Variants in PLEKHG1 observed in about 807,000 individuals in gnomAD.
PLEKHG1 encodes the protein pleckstrin homology and RhoGEF domain containing G1.
A neutral mutation model predicts 100.8 loss-of-function variants in PLEKHG1; 44 were observed. The ratio of observed to expected loss-of-function variants is 0.44; its 90% CI spans 0.34 to 0.56. The LOEUF is 0.56. PLEKHG1 is among the 20% of genes least tolerant of loss of function. The pLI is 0.01. For synonymous variants in PLEKHG1, 640 were observed against 662.5 expected (o/e 0.97, Z 0.52); for missense variants, 1,545 against 1,720.9 (o/e 0.90, Z 1.81).
rs560273593 is a variant in PLEKHG1, at chr6:150,795,967, G to A, written c.629+65G>A. On this transcript the variant is annotated intron_variant, in intron 5 of 15. Coordinates refer to ENST00000358517, the Ensembl canonical transcript of PLEKHG1. ...TTCACATTGTTTCAAGTCAGCTGGT[G>A]CAGTACACATGGTTGTTAGGCATTC... is the stretch of plus-strand genomic sequence containing the variant. The A allele has an allele frequency of 2.6e-4, 262 of 1,001,466 alleles. 3 individuals are homozygous for A. In the South Asian group the frequency reaches 3.3e-3, roughly 13 times the overall value. 62.0% of individuals were successfully genotyped at this position (1,001,466 alleles called of 1,614,324 possible).
chr6:150,705,272 G>A (rs1780957617), intron 3 of PLEKHG1, among the ~76,000 whole-genome samples: 1 of 152,222 alleles, frequency 6.6e-6, no homozygotes, highest in Non-Finnish European at 1.5e-5. Flanking sequence ...ATATTTCAAA[G>A]ATATGCCATC....
intron 1 of PLEKHG1, among the ~76,000 whole-genome samples, chr6:150,730,901 C>CAAA (rs59262689): frequency 0.19 from 25,981 of 137,914 alleles, 3,644 homozygotes; most frequent in African/African-American, 0.41. Context: ...AACTCTGTCT[C>CAAA]AAAAAAAAAA....
intron 3 of PLEKHG1, among the ~76,000 whole-genome samples, chr6:150,658,730 A>C (rs555044980): frequency 1.3e-5 from 2 of 152,288 alleles, no homozygotes; most frequent in Non-Finnish European, 2.9e-5. Flanking sequence ...AGTGTTTGAT[A>C]TCTCTCTCCT....
intron 3 of PLEKHG1, among the ~76,000 whole-genome samples, chr6:150,666,459 G>C (rs1470185809): frequency 6.6e-6 from 1 of 152,128 alleles, no homozygotes; most frequent in Non-Finnish European, 1.5e-5. Flanking sequence ...TCCGTTCATT[G>C]CTAACTTGCG....
At chr6:150,643,854 C>A (rs1259845063) in intron 2 of PLEKHG1, among the ~76,000 whole-genome samples, 1 of 151,744 alleles carries the variant, frequency 6.6e-6, no homozygotes, top group East Asian at 1.9e-4. Context: ...CTGTGGTTTC[C>A]ACTTTCAAAT....
intron 7 of PLEKHG1, among the ~76,000 whole-genome samples, chr6:150,807,597 A>G (rs1198912977): frequency 2.0e-5 from 3 of 152,212 alleles, no homozygotes; most frequent in African/African-American, 7.2e-5. Context: ...TAGTTTATTT[A>G]TCAATTTCCA....
intron 1 of PLEKHG1, among the ~76,000 whole-genome samples, chr6:150,601,866 A>G (rs762243051): frequency 6.6e-6 from 1 of 152,118 alleles, no homozygotes; most frequent in Non-Finnish European, 1.5e-5. Context: ...CCTACTCTAA[A>G]TGGGCACCCT....
chr6:150,786,836 C>T (rs1009092389), intron 4 of PLEKHG1, among the ~76,000 whole-genome samples: 3 of 151,862 alleles, frequency 2.0e-5, no homozygotes, highest in East Asian at 3.9e-4. Flanking sequence ...TTGAGACCAG[C>T]CTGGCCAACA....
upstream of PLEKHG1, among the ~76,000 whole-genome samples, chr6:150,718,128 T>C (rs577466296): frequency 2.0e-5 from 3 of 152,268 alleles, no homozygotes; most frequent in South Asian, 6.2e-4. Context: ...GCAAAAATAA[T>C]CTTTTCACCC....
At position 150,610,716 on chromosome 6, in the gene PLEKHG1, T is replaced by G. The variant is rs574654427; in HGVS notation, c.-204+10699T>G. Among the ~76,000 whole-genome samples the G allele has an allele frequency of 3.3e-5, 5 of 152,342 alleles. No individual in the cohort carries two copies. The South Asian group carries it at 1.0e-3, about 32-fold the overall frequency. On this transcript the variant is annotated intron_variant, in intron 1 of 3. Coordinates refer to the PLEKHG1 transcript ENST00000367326. ...TGGGTTAACTCTTTAAAAAGGTTTCTTTAGAAATTGTTTTTGTTTGAATGA... is the reference window on the plus strand; with the variant it reads ...TGGGTTAACTCTTTAAAAAGGTTTCGTTAGAAATTGTTTTTGTTTGAATGA...
chr6:150,733,794 G>C, exon 2 of PLEKHG1: 1 of 1,614,180 alleles, frequency 6.2e-7, no homozygotes, highest in Non-Finnish European at 8.5e-7. Flanking sequence ...GTTTCAAATA[G>C]CCACATGGGC....
At chr6:150,742,948 C>T (rs186477556) in intron 2 of PLEKHG1, among the ~76,000 whole-genome samples, 1 of 152,092 alleles carries the variant, frequency 6.6e-6, no homozygotes, top group Non-Finnish European at 1.5e-5. Flanking sequence ...GTCAACTAGA[C>T]GGGCAAGGAG....
rs1381335999 is a variant in PLEKHG1 at position 150,600,045 on chromosome 6, TG to T, written c.-204+32del. ...AAGCGCCGGTCGGGCCCGGACGCCC[TG>T]GGGACTTTTCCAGGGATGGGAGGGG... is the stretch of plus-strand genomic sequence containing the variant. On this transcript the variant is annotated intron_variant, in intron 1 of 3. Coordinates refer to the PLEKHG1 transcript ENST00000367326. This position sits in a 1 kb window ranked among gnomAD's most constrained non-coding sequence, Gnocchi z 6.2. 3 of 201,300 alleles carry T rather than the reference TG, an allele frequency of 1.5e-5. No homozygotes were observed. Among genetic ancestry groups the T allele is most frequent in the South Asian group, 5.0e-5 (1 of 20,032 alleles). 12.5% of individuals were successfully genotyped at this position (201,300 alleles called of 1,614,324 possible).
intron 3 of PLEKHG1, among the ~76,000 whole-genome samples, chr6:150,779,238 C>T (rs935291527): frequency 2.0e-5 from 3 of 151,948 alleles, no homozygotes; most frequent in Non-Finnish European, 4.4e-5. Context: ...GCTGGGTCCC[C>T]GAGACACTTC....
chr6:150,816,337 T>TTTTTTTTTC (rs1775955776), intron 10 of PLEKHG1, among the ~76,000 whole-genome samples: 1 of 116,970 alleles, frequency 8.5e-6, no homozygotes, highest in Admixed American at 8.7e-5. Context: ...TTTTTTTTTT[T>TTTTTTTTTC]TTTTTTTTTT....
chr6:150,772,476 A>T (rs1784758855), intron 3 of PLEKHG1, among the ~76,000 whole-genome samples: 1 of 152,178 alleles, frequency 6.6e-6, no homozygotes, highest in Non-Finnish European at 1.5e-5. Flanking sequence ...AAAAATTAGC[A>T]GGACATGATG....
At chr6:150,801,005 A>G in intron 6 of PLEKHG1, 136 bp downstream of exon 7, 1 of 697,574 alleles carries the variant, frequency 1.4e-6, no homozygotes, top group East Asian at 2.7e-5. Flanking sequence ...CAACTGACTA[A>G]TCTGCTTTGA....
intron 1 of PLEKHG1, among the ~76,000 whole-genome samples, chr6:150,605,023 A>G (rs1280873092): frequency 6.6e-6 from 1 of 152,188 alleles, no homozygotes; most frequent in Non-Finnish European, 1.5e-5. Flanking sequence ...GGGTCGTTCC[A>G]CACAAAGTTG....
rs1776300248 is a variant in PLEKHG1, at chr6:150,600,517, A to T, written c.-204+500A>T. ...CAGCAGCGAAGCCGGGAGCCCGAGG[A>T]CCCGGGGACGCGCGGTGGGGGCGGC... On this transcript the variant is annotated intron_variant, in intron 1 of 3. Transcript: ENST00000367326. The surrounding 1 kb of genome is among the most constrained non-coding windows in gnomAD (Gnocchi z 6.2). Among the ~76,000 whole-genome samples the T allele has an allele frequency of 6.6e-6, 1 of 151,196 alleles. No individual in the cohort carries two copies. The highest frequency in any genetic ancestry group is 2.1e-4 in the South Asian group (1 of 4,762).
Sources: allele counts gnomAD v4.1 joint callset (sites outside exome capture counted in the v4.1 genomes callset), GRCh38; gene constraint gnomAD v4.1.1; non-coding constraint Gnocchi (gnomAD v3.1); transcripts MANE v1.5; gene names NCBI Gene and HGNC (gene_info 2026-07-23, HGNC 2026-07-21).